The following FMN1 variants were observed in gnomAD, a reference collection of about 807,000 sequenced individuals.
The protein encoded by FMN1 is formin-1.
In FMN1, 110 loss-of-function variants were observed where a neutral mutation model predicts 132.4. That is an observed-to-expected ratio of 0.83 (90% CI 0.71 to 0.97). FMN1 has a LOEUF of 0.97. Ranked by LOEUF, FMN1 falls within the 50% of genes least tolerant of loss-of-function variation. The pLI is 0.00. For synonymous variants in FMN1, 722 were observed against 651.7 expected (o/e 1.11, Z -1.64); for missense variants, 1,792 against 1,705.3 (o/e 1.05, Z -0.90).
chr15:33,158,911 G>A (rs1964783376), intron 3 of FMN1, among the ~76,000 whole-genome samples: 2 of 152,160 alleles, frequency 1.3e-5, no homozygotes, highest in African/African-American at 2.4e-5. Flanking sequence ...TTCAGGCCAG[G>A]CATGGTGCCT....
chr15:32,869,135 C>T (rs917816973), intron 16 of FMN1, among the ~76,000 whole-genome samples: 2 of 152,128 alleles, frequency 1.3e-5, no homozygotes, highest in Admixed American at 6.5e-5. Context: ...TGAGAACGCA[C>T]GGGCCATTTG....
At chr15:33,131,217 T>C (rs1963530468) in intron 4 of FMN1, among the ~76,000 whole-genome samples, 1 of 150,888 alleles carries the variant, frequency 6.6e-6, no homozygotes, top group Non-Finnish European at 1.5e-5. Flanking sequence ...TAATCCCAGC[T>C]ACTCGGGAGG....
intron 3 of FMN1, among the ~76,000 whole-genome samples, chr15:33,166,763 G>A (rs1391847775): frequency 6.6e-6 from 1 of 152,290 alleles, no homozygotes; most frequent in East Asian, 1.9e-4. Context: ...TCCATCCTAA[G>A]AGTTAGTTAT....
chr15:32,872,144 A>G (rs1444218730), intron 16 of FMN1, among the ~76,000 whole-genome samples: 1 of 152,162 alleles, frequency 6.6e-6, no homozygotes, highest in African/African-American at 2.4e-5. Flanking sequence ...GGAAGTGTAC[A>G]GCAAACTTAC....
intron 6 of FMN1, among the ~76,000 whole-genome samples, chr15:33,041,805 T>G (rs76017144): frequency 6.6e-6 from 1 of 152,136 alleles, no homozygotes; most frequent in Non-Finnish European, 1.5e-5. Context: ...TTAATGCACA[T>G]AGTGTCAGTT....
At chr15:33,128,062 G>A (rs1210627827) in intron 4 of FMN1, among the ~76,000 whole-genome samples, 2 of 152,028 alleles carry the variant, frequency 1.3e-5, no homozygotes, top group African/African-American at 2.4e-5. Flanking sequence ...TGACAGAAAG[G>A]ACAAAAAAGA....
intron 17 of FMN1, among the ~76,000 whole-genome samples, chr15:32,854,086 T>A (rs2059070701): frequency 6.6e-6 from 1 of 152,258 alleles, no homozygotes; most frequent in Non-Finnish European, 1.5e-5. Context: ...AACATATTTA[T>A]TAACTTACCT....
chr15:33,017,137 T>TA lies in FMN1; in HGVS notation c.2162-9063_2162-9062insT, dbSNP rs1435690322. Among the ~76,000 whole-genome samples, 839 of 123,310 alleles carry TA rather than the reference T, an allele frequency of 6.8e-3. 5 individuals carry two copies. Among genetic ancestry groups the TA allele is most frequent in the African/African-American group, 0.026 (805 of 30,906 alleles). 80.9% of individuals were successfully genotyped at this position (123,310 alleles called of 152,430 possible). A position where few individuals can be genotyped will look rare whatever the true frequency, so the allele number is the denominator to read the frequency against. ...CGTACCCTAGAACTTAAAGCATAAT[T>TA]TAAAAAAAAAAAAGTGGTTGCCAAG... is the stretch of plus-strand genomic sequence containing the variant. On this transcript the variant is annotated intron_variant, in intron 6 of 20. Coordinates refer to ENST00000616417, the MANE Select transcript of FMN1 (RefSeq NM_001277313.2).
At position 32,944,762 on chromosome 15, in the gene FMN1, T is replaced by C. The variant is rs114839540; in HGVS notation, c.3139-18501A>G. On this transcript the variant is annotated intron_variant, in intron 9 of 20. Coordinates refer to ENST00000616417, the MANE Select transcript of FMN1 (RefSeq NM_001277313.2). ...CGGAGGCCACAGCAGGTGAAGGCTA[T>C]GACAGTGTGGGGGTGTGATGGGTTG... Among the ~76,000 whole-genome samples the C allele has an allele frequency of 8.6e-3, 1,301 of 151,650 alleles. 16 individuals are homozygous for C. The highest frequency in any genetic ancestry group is 0.03 in the African/African-American group (1,222 of 41,306).
chr15:32,792,406 C>T (rs1845356645), intron 19 of FMN1, among the ~76,000 whole-genome samples: 3 of 151,760 alleles, frequency 2.0e-5, no homozygotes, highest in South Asian at 4.2e-4. Context: ...AATCGCGCCA[C>T]TGCACTCCAG....
intron 3 of FMN1, among the ~76,000 whole-genome samples, chr15:33,162,473 A>G (rs983637614): frequency 5.3e-5 from 8 of 152,174 alleles, no homozygotes; most frequent in Non-Finnish European, 1.2e-4. Flanking sequence ...TCAGAATAAC[A>G]CTTCAGGCAG....
intron 7 of FMN1, among the ~76,000 whole-genome samples, chr15:32,971,911 A>T (rs1318457560): frequency 6.6e-6 from 1 of 152,134 alleles, no homozygotes; most frequent in Non-Finnish European, 1.5e-5. Context: ...CGATCTTCTA[A>T]ATCTGTTGAA....
rs2056285743 is a variant in FMN1, at chr15:32,772,610, CT to C, written c.*1699del. 1 of 152,172 alleles carries C rather than the reference CT, an allele frequency of 6.6e-6. No individual in the cohort carries two copies. The allele number at this position is 152,172 out of a possible 1,614,324, so 9.4% of individuals were successfully genotyped here. On this transcript the variant is annotated 3_prime_UTR_variant, in exon 21 of 21. Transcript: ENST00000616417. ...TTCTCGGCTTTTCTGTTTTGCTTGT[CT>C]CGTTCCTTCATTGTGAATTTTAAAA...
Position 32,789,253 on chromosome 15 carries a change from C to T in FMN1, c.4130+9551G>A, listed in dbSNP as rs148420206. On this transcript the variant is annotated intron_variant, in intron 19 of 20. Coordinates refer to ENST00000616417, the MANE Select transcript of FMN1 (RefSeq NM_001277313.2). ...GCCTATAACCAAATGAATAAAAAAC[C>T]AAATCATTAAATGACAAAACTGAAG... Among the ~76,000 whole-genome samples the T allele has an allele frequency of 4.0e-3, 611 of 152,070 alleles. 12 individuals carry two copies. The highest frequency in any genetic ancestry group is 0.014 in the African/African-American group (581 of 41,486).
chr15:32,775,335 T>C (rs1337161380), intron 20 of FMN1, among the ~76,000 whole-genome samples: 1 of 149,916 alleles, frequency 6.7e-6, no homozygotes, highest in Admixed American at 6.6e-5. Context: ...GACAATAAAA[T>C]AAGCAGCCCC....
intron 16 of FMN1, among the ~76,000 whole-genome samples, chr15:32,877,607 C>T (rs752129138): frequency 3.3e-5 from 5 of 152,132 alleles, no homozygotes; most frequent in Non-Finnish European, 7.4e-5. Flanking sequence ...CCTTCAAAAT[C>T]ATCTAGCAAA....
chr15:32,975,086 C>G (rs933850621), intron 7 of FMN1, among the ~76,000 whole-genome samples: 3 of 152,174 alleles, frequency 2.0e-5, no homozygotes, highest in Non-Finnish European at 2.9e-5. Context: ...CTTAGAGAAC[C>G]TTTTATCCAT....
intron 5 of FMN1, chr15:33,067,527 CTT>C (rs1224429793): frequency 6.2e-7 from 1 of 1,613,916 alleles, no homozygotes; most frequent in Admixed American, 1.7e-5. Flanking sequence ...GGAAGCAGCT[CTT>C]GAGCAAGGAG....
At chr15:32,932,199 G>A (rs1425424811) in intron 9 of FMN1, among the ~76,000 whole-genome samples, 3 of 152,138 alleles carry the variant, frequency 2.0e-5, no homozygotes, top group Admixed American at 1.3e-4. Context: ...AGGAGTTAGA[G>A]ACCAGCCTGG....
Sources: allele counts gnomAD v4.1 joint callset (sites outside exome capture counted in the v4.1 genomes callset), GRCh38; gene constraint gnomAD v4.1.1; transcripts MANE v1.5; gene names NCBI Gene and HGNC (gene_info 2026-07-23, HGNC 2026-07-21).